The following EXOC2 variants were observed in gnomAD, a reference collection of about 807,000 sequenced individuals.
The protein encoded by EXOC2 is exocyst complex component 2, also known as SEC5-like 1.
EXOC2 carries 70 observed loss-of-function variants against 131.8 expected under a neutral mutation model. That is an observed-to-expected ratio of 0.53 (90% CI 0.44 to 0.65). EXOC2 has a LOEUF of 0.65. Among genes scored for constraint, EXOC2 ranks in the 30% least tolerant of loss-of-function variants. The pLI is 0.00. For synonymous variants in EXOC2, 411 were observed against 398.4 expected (o/e 1.03, Z -0.38); for missense variants, 923 against 1,108.6 (o/e 0.83, Z 2.38).
chr6:577,648 A>C (rs922683772), intron 11 of EXOC2, among the ~76,000 whole-genome samples: 3 of 152,182 alleles, frequency 2.0e-5, no homozygotes, highest in Non-Finnish European at 4.4e-5. Context: ...TTAGTCTAAA[A>C]CACCACTCTT....
chr6:553,375 A>C (rs1418887260), intron 21 of EXOC2, among the ~76,000 whole-genome samples: 1 of 132,126 alleles, frequency 7.6e-6, no homozygotes, highest in Non-Finnish European at 1.6e-5. Flanking sequence ...GTATGCATAC[A>C]TCTGTTTGTG....
intron 1 of EXOC2, among the ~76,000 whole-genome samples, chr6:668,622 A>G (rs550636095): frequency 6.6e-6 from 1 of 152,086 alleles, no homozygotes; most frequent in Admixed American, 6.5e-5. Context: ...GATTAATCGT[A>G]CCCCATGTAT....
chr6:557,274 T>C (rs1279019171), intron 17 of EXOC2, among the ~76,000 whole-genome samples: 4 of 152,066 alleles, frequency 2.6e-5, no homozygotes, highest in Non-Finnish European at 5.9e-5. Flanking sequence ...ACAAAATGGT[T>C]TAAAAAAGTA....
At chr6:549,800 G>A (rs1757050785) in intron 21 of EXOC2, among the ~76,000 whole-genome samples, 1 of 152,136 alleles carries the variant, frequency 6.6e-6, no homozygotes, top group Admixed American at 6.5e-5. Context: ...ATACCTTAGG[G>A]CATTAAGAAT....
At chr6:488,948 C>A (rs1166118639) in intron 27 of EXOC2, 31 bp downstream of exon 27, 1 of 1,603,558 alleles carries the variant, frequency 6.2e-7, no homozygotes, top group African/African-American at 1.3e-5. Flanking sequence ...GCACATTCAA[C>A]TGGCTCCTAA....
chr6:651,863 C>A (rs1762847334), intron 1 of EXOC2, among the ~76,000 whole-genome samples: 1 of 151,762 alleles, frequency 6.6e-6, no homozygotes, highest in Non-Finnish European at 1.5e-5. Context: ...CGAGACCAGT[C>A]TGATGAACAT....
At chr6:501,721 T>C (rs1764216106) in intron 23 of EXOC2, among the ~76,000 whole-genome samples, 1 of 137,222 alleles carries the variant, frequency 7.3e-6, no homozygotes, top group African/African-American at 2.7e-5. Flanking sequence ...AAAAGATATA[T>C]CTATCTATGT....
intron 1 of EXOC2, chr6:656,350 A>C: frequency 6.2e-7 from 1 of 1,614,126 alleles, no homozygotes; most frequent in Non-Finnish European, 8.5e-7. Context: ...CTTTGAATGG[A>C]CACCACCTCC....
At chr6:604,291 A>G (rs1343283489) in intron 7 of EXOC2, among the ~76,000 whole-genome samples, 2 of 152,072 alleles carry the variant, frequency 1.3e-5, no homozygotes, top group African/African-American at 2.4e-5. Context: ...TTCCCTATGT[A>G]ACATGTCAAA....
chr6:525,415 A>C (rs1358713503), intron 23 of EXOC2: 2 of 152,228 alleles, frequency 1.3e-5, no homozygotes, highest in Non-Finnish European at 2.9e-5. Context: ...GCTTTCCTCT[A>C]GACTGACATG....
rs541768714 is a variant in EXOC2 at position 495,420 on chromosome 6, G to A, written c.2559+1947C>T. Among the ~76,000 whole-genome samples, 28 of 151,418 alleles carry A rather than the reference G, an allele frequency of 1.8e-4. 1 individual carries two copies. Among genetic ancestry groups the A allele is most frequent in the Admixed American group, 1.4e-3 (21 of 15,232 alleles). ...ATTACAGGTGTGAGCCACCGCGCCC[G>A]GCCTGAACATTCTTATAAATATGTT... On this transcript the variant is annotated intron_variant, in intron 25 of 27. Transcript: ENST00000230449.
chr6:497,370 T>G lies in EXOC2; in HGVS notation c.2556A>C (p.Leu852Phe), dbSNP rs773155537. 2.2e-5 allele frequency: 36 copies of G among 1,613,162 alleles called. 1 individual carries two copies. Among genetic ancestry groups the G allele is most frequent in the Middle Eastern group, 3.3e-4 (2 of 6,052 alleles). The change falls in exon 25 of 28, where the codon TTA becomes TTC. Residue 852 changes from leucine to phenylalanine, a missense_variant. Physicochemically the swap from Leu to Phe is conservative, Grantham distance 22. Coordinates refer to ENST00000230449, the MANE Select transcript of EXOC2 (RefSeq NM_018303.6). ...TGAAATTGAATGATTTTGTTACCTG[T>G]AAAGCTCCATTTTTGCTGAAGGATG... ...CVSSFSKNGA[L>F]QARLEICALR...
At position 658,665 on chromosome 6, in the gene EXOC2, A is replaced by ATATAT. The variant is rs1374453663; in HGVS notation, c.-43-20805_-43-20804insATATA. Among the ~76,000 whole-genome samples, 20 of 115,540 alleles carry ATATAT rather than the reference A, an allele frequency of 1.7e-4. 1 individual carries two copies. Among genetic ancestry groups the ATATAT allele is most frequent in the South Asian group, 1.1e-3 (4 of 3,524 alleles). 75.8% of individuals were successfully genotyped at this position (115,540 alleles called of 152,430 possible). A position where few individuals can be genotyped will look rare whatever the true frequency, so the allele number is the denominator to read the frequency against. On this transcript the variant is annotated intron_variant, in intron 1 of 27. Coordinates refer to ENST00000230449, the MANE Select transcript of EXOC2 (RefSeq NM_018303.6). ...ATATTTTATATATATATATATATATATTTTTTTTTTTTTTAGACGAAGTCT... is the reference window on the plus strand; with the variant it reads ...ATATTTTATATATATATATATATATATATATTTTTTTTTTTTTTTAGACGAAGTCT...
At chr6:692,175 G>C (rs565459032) in intron 1 of EXOC2, among the ~76,000 whole-genome samples, 65 of 152,300 alleles carry the variant, frequency 4.3e-4, no homozygotes, top group Non-Finnish European at 7.5e-4. Flanking sequence ...TTTTTTAAGT[G>C]TTCCTTGTAA....
intron 3 of EXOC2, among the ~76,000 whole-genome samples, chr6:631,328 C>T (rs555909025): frequency 2.0e-5 from 3 of 152,158 alleles, no homozygotes; most frequent in Admixed American, 1.3e-4. Context: ...TCACAAGGTC[C>T]GGAGTTCGAG....
chr6:544,816 T>C (rs1333282738), intron 22 of EXOC2, among the ~76,000 whole-genome samples: 2 of 152,192 alleles, frequency 1.3e-5, no homozygotes, highest in Non-Finnish European at 1.5e-5. Flanking sequence ...CTCCACACCT[T>C]TCACGCCGGA....
intron 6 of EXOC2, among the ~76,000 whole-genome samples, chr6:612,392 T>C (rs1201915308): frequency 1.3e-5 from 2 of 152,206 alleles, no homozygotes; most frequent in African/African-American, 4.8e-5. Context: ...TAGTGTAAGA[T>C]GCATTAATAT....
chr6:623,340 C>T (rs745982577), intron 4 of EXOC2, among the ~76,000 whole-genome samples: 3 of 152,198 alleles, frequency 2.0e-5, no homozygotes, highest in Non-Finnish European at 2.9e-5. Context: ...ATTTGAAAAG[C>T]ACTACATCTC....
intron 26 of EXOC2, 78 bp downstream of exon 26, chr6:491,041 GTCATCT>G: frequency 7.2e-7 from 1 of 1,397,620 alleles, no homozygotes. Flanking sequence ...GCTCTGATCA[GTCATCT>G]TTACAGAGGA....
Sources: gnomAD v4.1 joint callset for allele counts (sites outside exome capture counted in the v4.1 genomes callset) on GRCh38, gnomAD v4.1.1 for gene constraint, MANE v1.5 for transcripts, NCBI Gene and HGNC (gene_info 2026-07-23, HGNC 2026-07-21) for gene names.